REPS2: variants seen among roughly 807,000 people sequenced by gnomAD.
The protein encoded by REPS2 is ralBP1-associated Eps domain-containing protein 2.
A neutral mutation model predicts 53.6 loss-of-function variants in REPS2; 23 were observed. The ratio of observed to expected loss-of-function variants is 0.43; its 90% CI spans 0.31 to 0.61. The LOEUF is 0.61. Ranked by LOEUF, REPS2 falls within the 20% of genes least tolerant of loss-of-function variation. The probability of loss-of-function intolerance (pLI) is 0.11; values close to 1 mark genes in which losing one functional copy is unlikely to be tolerated. For synonymous variants in REPS2, 238 were observed against 218.6 expected (o/e 1.09, Z -0.78); for missense variants, 446 against 534.9 (o/e 0.83, Z 1.64).
intron 2 of REPS2, among the ~76,000 whole-genome samples, chrX:17,008,533 T>C (rs1370957397): frequency 1.8e-5 from 2 of 112,072 alleles, no homozygotes; most frequent in Admixed American, 1.9e-4. Flanking sequence ...TGAGAGTTTA[T>C]ATATGTCCAG....
intron 2 of REPS2, among the ~76,000 whole-genome samples, chrX:17,013,663 T>TCC (rs1210771440): frequency 4.4e-5 from 4 of 89,942 alleles, no homozygotes; most frequent in African/African-American, 1.7e-4. Context: ...TGTGTGTGTG[T>TCC]GTCCACACAG....
At chrX:16,982,900 A>G (rs780299791) in intron 1 of REPS2, among the ~76,000 whole-genome samples, 3 of 112,700 alleles carry the variant, frequency 2.7e-5, no homozygotes, top group South Asian at 3.6e-4. Flanking sequence ...TAAGCCGTCA[A>G]GATTTGGTGA....
At chrX:17,088,268 T>A (rs1024165803) in intron 13 of REPS2, among the ~76,000 whole-genome samples, 3 of 111,490 alleles carry the variant, frequency 2.7e-5, no homozygotes, top group African/African-American at 9.8e-5. Context: ...AATAGTAAAA[T>A]GCTTAGGAGG....
At chrX:17,068,362 G>C (rs370062376) in intron 9 of REPS2, 40 bp from the exon 10 acceptor site, 1 of 1,107,627 alleles carries the variant, frequency 9.0e-7, no homozygotes, top group Non-Finnish European at 1.2e-6. Context: ...CTTAATTTCT[G>C]TTCCAACCAG....
At chrX:17,182,931 G>A in the REPS2 span, among the ~76,000 whole-genome samples, 2 of 112,453 alleles carry the variant, frequency 1.8e-5, no homozygotes, top group African/African-American at 6.5e-5. Flanking sequence ...GAATCTGGCA[G>A]ACTGGCTCCA....
chrX:17,111,181 T>C (rs955207234), intron 14 of REPS2, among the ~76,000 whole-genome samples: 2 of 112,229 alleles, frequency 1.8e-5, no homozygotes, highest in Non-Finnish European at 3.8e-5. Flanking sequence ...GCTTTTAAAA[T>C]TGCATGTTTT....
chrX:17,122,545 A>G (rs765211742), intron 14 of REPS2, among the ~76,000 whole-genome samples: 4 of 112,232 alleles, frequency 3.6e-5, no homozygotes, highest in Non-Finnish European at 5.6e-5. Context: ...TCTCTTGGAT[A>G]TATACCTAAG....
intron 5 of REPS2, among the ~76,000 whole-genome samples, chrX:17,035,885 C>T (rs1440330935): frequency 8.9e-6 from 1 of 111,867 alleles, no homozygotes; most frequent in Non-Finnish European, 1.9e-5. Flanking sequence ...CTTTTTTACA[C>T]ATATGGTGGC....
chrX:16,974,559 C>T (rs974432776), intron 1 of REPS2, among the ~76,000 whole-genome samples: 3 of 110,400 alleles, frequency 2.7e-5, no homozygotes, highest in Admixed American at 9.7e-5. Context: ...GCAAGAGAAT[C>T]GCTTGAACCC....
At chrX:17,001,092 A>G (rs1223263911) in intron 1 of REPS2, among the ~76,000 whole-genome samples, 1 of 112,313 alleles carries the variant, frequency 8.9e-6, no homozygotes, top group Non-Finnish European at 1.9e-5. Flanking sequence ...TCTCATGGAA[A>G]AAATATTACC....
At chrX:17,036,307 A>G (rs761301168) in intron 5 of REPS2, among the ~76,000 whole-genome samples, 22 of 112,789 alleles carry the variant, frequency 2.0e-4, no homozygotes, top group African/African-American at 6.4e-4. Context: ...AGCTCACTGT[A>G]GTTTAATTAG....
At chrX:17,122,410 G>T (rs1360583457) in intron 14 of REPS2, among the ~76,000 whole-genome samples, 1 of 112,325 alleles carries the variant, frequency 8.9e-6, no homozygotes, top group Non-Finnish European at 1.9e-5. Flanking sequence ...TCCATTGTAT[G>T]TGCAAATATA....
intron 8 of REPS2, among the ~76,000 whole-genome samples, chrX:17,056,552 G>A (rs966209117): frequency 4.5e-5 from 5 of 110,886 alleles, no homozygotes; most frequent in South Asian, 3.9e-4. Context: ...AAAATTAGCC[G>A]GGTGTGGTGG....
rs2063578668 is a variant in REPS2, at chrX:17,152,474, G to A, written c.*4993G>A. ...TGCTGTAAGCTAATGTCATGGCTGT[G>A]GGATATTAGAGAAGTGGGTTTATGA... On this transcript the variant is annotated 3_prime_UTR_variant, in exon 18 of 18. Coordinates refer to ENST00000357277, the MANE Select transcript of REPS2 (RefSeq NM_004726.3). The A allele has an allele frequency of 8.9e-6, 1 of 111,955 alleles. No individual in the cohort carries two copies. Among genetic ancestry groups the A allele is most frequent in the African/African-American group, 3.2e-5 (1 of 30,781 alleles). The allele number at this position is 111,955 out of a possible 1,213,427, so 9.2% of individuals were successfully genotyped here.
intron 14 of REPS2, among the ~76,000 whole-genome samples, chrX:17,127,901 C>T (rs772801943): frequency 8.9e-6 from 1 of 111,871 alleles, no homozygotes; most frequent in Non-Finnish European, 1.9e-5. Context: ...TGATGATCCA[C>T]CTCTAAGATG....
chrX:16,969,738 TG>T (rs1158857898), intron 1 of REPS2, among the ~76,000 whole-genome samples: 4 of 75,224 alleles, frequency 5.3e-5, no homozygotes, highest in Admixed American at 1.9e-4. Context: ...AGGGAGACCG[TG>T]GGGAGAGGGA....
chrX:17,055,632 T>C (rs966556059), intron 8 of REPS2, among the ~76,000 whole-genome samples: 1 of 107,363 alleles, frequency 9.3e-6, no homozygotes, highest in African/African-American at 3.4e-5. Flanking sequence ...TGCTTGTTTT[T>C]CTCAGGTTTG....
chrX:16,955,468 T>G (rs1383171714), intron 1 of REPS2, among the ~76,000 whole-genome samples: 2 of 111,974 alleles, frequency 1.8e-5, no homozygotes, highest in African/African-American at 6.5e-5. Context: ...ATGGCTCAGT[T>G]GGGTCCTCAG....
In REPS2 at chrX:17,074,130, C is replaced by T. The variant is rs752064144; in HGVS notation, c.1350C>T (p.Ser450=). Residue 450 remains serine (S), a synonymous_variant, in exon 12 of 18, where the codon TCC becomes TCT. Coordinates refer to ENST00000357277, the MANE Select transcript of REPS2 (RefSeq NM_004726.3). ...TTGTTTCAGCAACTCCCAAGGATTC[C>T]AACAGTCTCAAAGCAAGACCAAGAT... The part of the protein sequence containing the change: ...VSEDPATPKD[S]NSLKARPRSR... 1 of 1,207,862 alleles carries T rather than the reference C, an allele frequency of 8.3e-7. No homozygotes were observed. The highest frequency in any genetic ancestry group is 2.2e-5 in the Admixed American group (1 of 45,551).
Sources: allele counts gnomAD v4.1 joint callset (sites outside exome capture counted in the v4.1 genomes callset), GRCh38; gene constraint gnomAD v4.1.1; transcripts MANE v1.5; gene names NCBI Gene and HGNC (gene_info 2026-07-23, HGNC 2026-07-21).